Variants in NKAIN2 observed in about 807,000 individuals in gnomAD.
NKAIN2 encodes sodium/potassium transporting ATPase interacting 2.
In NKAIN2, 14 loss-of-function variants were observed where a neutral mutation model predicts 32.6. The observed-to-expected ratio is 0.43, with a 90% CI of 0.28 to 0.67. NKAIN2 has a LOEUF of 0.67. Among genes scored for constraint, NKAIN2 ranks in the 30% least tolerant of loss-of-function variants. The probability of loss-of-function intolerance (pLI) is 0.17; values close to 1 mark genes in which losing one functional copy is unlikely to be tolerated. For synonymous variants in NKAIN2, 80 were observed against 87.2 expected (o/e 0.92, Z 0.46); for missense variants, 198 against 258.3 (o/e 0.77, Z 1.60).
At chr6:124,057,904 C>G (rs868522105) in intron 1 of NKAIN2, among the ~76,000 whole-genome samples, 1 of 151,952 alleles carries the variant, frequency 6.6e-6, no homozygotes, top group Non-Finnish European at 1.5e-5. Context: ...GTGACTTACC[C>G]AGTTCTTGCT....
intron 3 of NKAIN2, among the ~76,000 whole-genome samples, chr6:124,473,219 A>T (rs1777047651): frequency 6.6e-6 from 1 of 152,206 alleles, no homozygotes; most frequent in Admixed American, 6.6e-5. Context: ...TAAAACACTT[A>T]CATTGGAACC....
chr6:123,838,355 T>A (rs1774718238), intron 1 of NKAIN2, among the ~76,000 whole-genome samples: 1 of 152,146 alleles, frequency 6.6e-6, no homozygotes, highest in African/African-American at 2.4e-5. Flanking sequence ...TTTGCTGCTT[T>A]TATTACCTCA....
chr6:124,363,089 C>G (rs1042939876), intron 3 of NKAIN2, among the ~76,000 whole-genome samples: 5 of 152,128 alleles, frequency 3.3e-5, no homozygotes, highest in Non-Finnish European at 7.3e-5. Context: ...CCCTCATTGG[C>G]CTCCCAAAGT....
At chr6:124,733,621 A>G (rs889963675) in intron 4 of NKAIN2, among the ~76,000 whole-genome samples, 9 of 151,810 alleles carry the variant, frequency 5.9e-5, no homozygotes, top group Non-Finnish European at 8.8e-5. Flanking sequence ...TAAAAGCCCA[A>G]TTTTTTCACT....
At chr6:124,523,035 T>A (rs985658947) in intron 3 of NKAIN2, among the ~76,000 whole-genome samples, 40 of 107,390 alleles carry the variant, frequency 3.7e-4, no homozygotes, top group African/African-American at 1.1e-3. Context: ...CCCAGCTACT[T>A]GGGAGGCTGA....
At chr6:124,783,526 T>G (rs1039870089) in intron 4 of NKAIN2, among the ~76,000 whole-genome samples, 1 of 152,184 alleles carries the variant, frequency 6.6e-6, no homozygotes, top group African/African-American at 2.4e-5. Flanking sequence ...ACAATAGCCC[T>G]GGAGGCAATC....
chr6:124,409,957 C>T (rs9491164), intron 3 of NKAIN2, among the ~76,000 whole-genome samples: 8,198 of 152,234 alleles, frequency 0.054, 624 homozygotes, highest in African/African-American at 0.17. Flanking sequence ...TCCATTTCTT[C>T]TAGATTTTCT....
chr6:124,211,377 A>G (rs1458128915), intron 1 of NKAIN2, among the ~76,000 whole-genome samples: 1 of 151,918 alleles, frequency 6.6e-6, no homozygotes, highest in Non-Finnish European at 1.5e-5. Flanking sequence ...AGGTCATTAA[A>G]CTATCTCCTA....
intron 1 of NKAIN2, among the ~76,000 whole-genome samples, chr6:124,246,037 C>A (rs571141218): frequency 3.9e-5 from 6 of 152,032 alleles, no homozygotes; most frequent in Admixed American, 6.6e-5. Flanking sequence ...AATGTCATTT[C>A]TTCCCAGTAT....
At chr6:124,707,467 G>C in intron 4 of NKAIN2, among the ~76,000 whole-genome samples, 1 of 149,420 alleles carries the variant, frequency 6.7e-6, no homozygotes, top group East Asian at 2.0e-4. Flanking sequence ...ACAGTGTAAA[G>C]GTGTTCCTAT....
At chr6:124,096,414 C>A (rs1784647989) in intron 1 of NKAIN2, among the ~76,000 whole-genome samples, 1 of 152,170 alleles carries the variant, frequency 6.6e-6, no homozygotes, top group African/African-American at 2.4e-5. Flanking sequence ...CTTTACCAAC[C>A]CCTGTTATGG....
intron 1 of NKAIN2, among the ~76,000 whole-genome samples, chr6:124,098,197 CAATT>C (rs1032692250): frequency 2.2e-4 from 33 of 152,266 alleles, no homozygotes; most frequent in Admixed American, 1.3e-3. Context: ...TATTTTCTGA[CAATT>C]AATATGTATC....
intron 3 of NKAIN2, among the ~76,000 whole-genome samples, chr6:124,365,381 A>G (rs1799477133): frequency 6.6e-6 from 1 of 151,886 alleles, no homozygotes; most frequent in Admixed American, 6.6e-5. Context: ...TAGATTTGTG[A>G]TGTAGTAATT....
chr6:124,200,663 A>G (rs1366914211), intron 1 of NKAIN2, among the ~76,000 whole-genome samples: 1 of 152,128 alleles, frequency 6.6e-6, no homozygotes, highest in Non-Finnish European at 1.5e-5. Flanking sequence ...AGAACAGCAC[A>G]ATAAATTGTG....
chr6:123,941,889 C>G (rs1475346441), intron 1 of NKAIN2, among the ~76,000 whole-genome samples: 1 of 151,840 alleles, frequency 6.6e-6, no homozygotes, highest in Non-Finnish European at 1.5e-5. Context: ...TTACCAATCC[C>G]TTCCCTGCAG....
At chr6:124,255,015 C>T (rs903019432) in intron 1 of NKAIN2, among the ~76,000 whole-genome samples, 1 of 152,178 alleles carries the variant, frequency 6.6e-6, no homozygotes, top group South Asian at 2.1e-4. Flanking sequence ...AATTAGGCCC[C>T]TTGGCTCCGA....
At chr6:124,386,338 A>C (rs1194825707) in intron 3 of NKAIN2, among the ~76,000 whole-genome samples, 3 of 152,102 alleles carry the variant, frequency 2.0e-5, no homozygotes, top group Non-Finnish European at 4.4e-5. Context: ...AAAAAACAAA[A>C]TGCTTGAGCA....
intron 1 of NKAIN2, among the ~76,000 whole-genome samples, chr6:123,846,844 GCA>G (rs34106417): frequency 1.6e-4 from 24 of 150,728 alleles, no homozygotes; most frequent in Admixed American, 5.3e-4. Context: ...ACGCACGCGC[GCA>G]CACACACACA....
intron 1 of NKAIN2, among the ~76,000 whole-genome samples, chr6:124,108,816 A>C (rs777924949): frequency 8.6e-5 from 13 of 151,992 alleles, no homozygotes; most frequent in African/African-American, 3.1e-4. Flanking sequence ...GATTAGATAC[A>C]CTGGCAATCT....
Sources: gnomAD v4.1 joint callset for allele counts (sites outside exome capture counted in the v4.1 genomes callset) on GRCh38, gnomAD v4.1.1 for gene constraint, MANE v1.5 for transcripts, NCBI Gene and HGNC (gene_info 2026-07-23, HGNC 2026-07-21) for gene names.